The following EPHA6 variants were observed in gnomAD, a reference collection of about 807,000 sequenced individuals.
EPHA6 encodes the protein EPH receptor A6.
EPHA6 carries 50 observed loss-of-function variants against 112.0 expected under a neutral mutation model. That is an observed-to-expected ratio of 0.45 (90% CI 0.36 to 0.56). The LOEUF (loss-of-function observed/expected upper bound fraction) is 0.56. Among genes scored for constraint, EPHA6 ranks in the 20% least tolerant of loss-of-function variants. EPHA6 has a pLI of 0.00. For missense variants in EPHA6, 1,280 were observed against 1,417.4 expected (o/e 0.90, Z 1.56); for synonymous variants, 529 against 490.7 (o/e 1.08, Z -1.03).
intron 3 of EPHA6, among the ~76,000 whole-genome samples, chr3:97,159,315 A>C (rs1302827317): frequency 2.6e-5 from 4 of 152,140 alleles, no homozygotes; most frequent in Non-Finnish European, 4.4e-5. Flanking sequence ...CATGAGAAGC[A>C]CAAAGTGGCC....
chr3:97,388,956 C>T (rs1424745089), intron 5 of EPHA6, among the ~76,000 whole-genome samples: 3 of 152,204 alleles, frequency 2.0e-5, no homozygotes, highest in South Asian at 2.1e-4. Flanking sequence ...AAAAACAAAA[C>T]GTCCAGCAAT....
chr3:97,417,968 G>A (rs1465583788), intron 6 of EPHA6, among the ~76,000 whole-genome samples: 1 of 152,086 alleles, frequency 6.6e-6, no homozygotes, highest in East Asian at 1.9e-4. Flanking sequence ...ATGAGTGAAT[G>A]AGGAGAAACG....
At chr3:97,458,410 GTTATC>G (rs1158471056) in intron 7 of EPHA6, among the ~76,000 whole-genome samples, 7 of 152,036 alleles carry the variant, frequency 4.6e-5, no homozygotes, top group African/African-American at 9.7e-5. Flanking sequence ...TTTTAAATTA[GTTATC>G]TTATATTTGC....
intron 3 of EPHA6, among the ~76,000 whole-genome samples, chr3:97,209,594 A>C (rs2077810577): frequency 6.6e-6 from 1 of 152,218 alleles, no homozygotes; most frequent in South Asian, 2.1e-4. Context: ...ATAACTTTCT[A>C]TAAAAATGTA....
intron 11 of EPHA6, among the ~76,000 whole-genome samples, chr3:97,543,302 T>C (rs1190240342): frequency 6.6e-6 from 1 of 152,196 alleles, no homozygotes; most frequent in African/African-American, 2.4e-5. Flanking sequence ...CAGTTTCAGC[T>C]TTCTACATAT....
intron 5 of EPHA6, among the ~76,000 whole-genome samples, chr3:97,390,474 C>CTG (rs1402081323): frequency 6.6e-6 from 1 of 151,150 alleles, no homozygotes; most frequent in African/African-American, 2.4e-5. Context: ...TATATATACG[C>CTG]TGTGTGTATA....
At chr3:97,220,632 C>T (rs1383057864) in intron 3 of EPHA6, among the ~76,000 whole-genome samples, 1 of 152,114 alleles carries the variant, frequency 6.6e-6, no homozygotes, top group East Asian at 1.9e-4. Flanking sequence ...CTTGTGAGAA[C>T]TCACTCAATA....
In EPHA6 at chr3:97,173,129, G is replaced by A. The variant is rs1392697; in HGVS notation, c.1115-53135G>A. 1.1e-3 allele frequency among the ~76,000 whole-genome samples: 160 copies of A among 151,794 alleles called. 1 individual carries two copies. The highest frequency in any genetic ancestry group is 3.7e-3 in the African/African-American group (152 of 41,474). Reference sequence around the variant, plus strand: ...ATCTTAGATGTTTTGACTGGATCTCGGCTTACACTTGGACAAGTTAGATAA... The same window carrying A: ...ATCTTAGATGTTTTGACTGGATCTCAGCTTACACTTGGACAAGTTAGATAA... On this transcript the variant is annotated intron_variant, in intron 3 of 17. Transcript: ENST00000389672.
At chr3:97,400,815 G>A (rs2086951085) in intron 5 of EPHA6, among the ~76,000 whole-genome samples, 2 of 151,472 alleles carry the variant, frequency 1.3e-5, no homozygotes, top group African/African-American at 2.4e-5. Flanking sequence ...GAGTTTTTTG[G>A]TAGAGTCTGT....
chr3:97,509,046 T>G (rs1337981769), intron 10 of EPHA6, among the ~76,000 whole-genome samples: 1 of 141,856 alleles, frequency 7.0e-6, no homozygotes, highest in African/African-American at 2.6e-5. Flanking sequence ...TTGGGAGATA[T>G]TCCTCATCCC....
At chr3:97,069,844 CAT>C (rs908112416) in intron 3 of EPHA6, among the ~76,000 whole-genome samples, 3 of 152,030 alleles carry the variant, frequency 2.0e-5, no homozygotes, top group African/African-American at 7.2e-5. Context: ...TATAATTCAA[CAT>C]GTGATTAAAA....
intron 10 of EPHA6, among the ~76,000 whole-genome samples, chr3:97,510,286 T>C (rs1267501262): frequency 2.0e-5 from 3 of 152,210 alleles, no homozygotes; most frequent in Admixed American, 2.0e-4. Context: ...TTTTGGAATT[T>C]TCAGCCTTTT....
At chr3:97,302,074 T>C (rs2081116194) in intron 5 of EPHA6, among the ~76,000 whole-genome samples, 1 of 152,036 alleles carries the variant, frequency 6.6e-6, no homozygotes, top group African/African-American at 2.4e-5. Flanking sequence ...TGACTACATT[T>C]CTTGCTTTCA....
intron 14 of EPHA6, among the ~76,000 whole-genome samples, chr3:97,672,897 C>T (rs1188873156): frequency 6.6e-6 from 1 of 152,060 alleles, no homozygotes; most frequent in Non-Finnish European, 1.5e-5. Flanking sequence ...ATATTGAAAT[C>T]TCAGTTTTGA....
At chr3:97,222,070 C>G (rs1326455266) in intron 3 of EPHA6, among the ~76,000 whole-genome samples, 1 of 151,226 alleles carries the variant, frequency 6.6e-6, no homozygotes, top group Non-Finnish European at 1.5e-5. Context: ...ACCCTAAAAC[C>G]TAAATATGCC....
chr3:96,835,073 G>T (rs969849222), intron 1 of EPHA6, among the ~76,000 whole-genome samples: 2 of 151,994 alleles, frequency 1.3e-5, no homozygotes, highest in African/African-American at 2.4e-5. Flanking sequence ...TAATGAGTTT[G>T]AGTAATTTGC....
chr3:96,977,088 A>G (rs1408334912), intron 2 of EPHA6, among the ~76,000 whole-genome samples: 3 of 152,194 alleles, frequency 2.0e-5, no homozygotes, highest in Non-Finnish European at 2.9e-5. Flanking sequence ...CTGGCTCTCT[A>G]TAGGCCACTA....
At chr3:97,434,139 A>G (rs1364513699) in intron 6 of EPHA6, among the ~76,000 whole-genome samples, 1 of 152,140 alleles carries the variant, frequency 6.6e-6, no homozygotes, top group Middle Eastern at 3.2e-3. Context: ...TAATATGTAA[A>G]TCACTTAGTG....
At chr3:97,113,064 T>A (rs1028771050) in intron 3 of EPHA6, among the ~76,000 whole-genome samples, 5 of 152,164 alleles carry the variant, frequency 3.3e-5, no homozygotes, top group Non-Finnish European at 7.4e-5. Context: ...GAGTCTCTGC[T>A]ATGTGTCAGG....
Sources: allele counts gnomAD v4.1 joint callset (sites outside exome capture counted in the v4.1 genomes callset), GRCh38; gene constraint gnomAD v4.1.1; transcripts MANE v1.5; gene names NCBI Gene and HGNC (gene_info 2026-07-23, HGNC 2026-07-21).